Variants in SNX25 observed in about 807,000 individuals in gnomAD.
SNX25 encodes the protein sorting nexin 25.
Under a neutral mutation model 113.7 loss-of-function variants are expected in SNX25, and 62 were observed. That is an observed-to-expected ratio of 0.55 (90% confidence interval 0.44 to 0.67). The LOEUF is 0.67. SNX25 is among the 30% of genes least tolerant of loss of function. The pLI, the probability that SNX25 is intolerant of heterozygous loss-of-function variation, is 0.00. For missense variants in SNX25, 1,014 were observed against 1,161.0 expected (o/e 0.87, Z 1.84); for synonymous variants, 421 against 436.2 (o/e 0.97, Z 0.43).
intron 5 of SNX25, among the ~76,000 whole-genome samples, chr4:185,278,419 G>A (rs1353703568): frequency 6.6e-6 from 1 of 152,174 alleles, no homozygotes; most frequent in Non-Finnish European, 1.5e-5. Flanking sequence ...TAAACTTCGA[G>A]CCTCAGTTTT....
chr4:185,340,336 G>T (rs1463982166), intron 11 of SNX25, among the ~76,000 whole-genome samples: 3 of 152,118 alleles, frequency 2.0e-5, no homozygotes. Context: ...AGGTTGGATA[G>T]CAAAACAAAG....
At chr4:185,220,598 C>T (rs950684380) in intron 1 of SNX25, among the ~76,000 whole-genome samples, 1 of 151,886 alleles carries the variant, frequency 6.6e-6, no homozygotes, top group African/African-American at 2.4e-5. Context: ...TCTCCTGCCT[C>T]AGCCTCCCAA....
intron 2 of SNX25, among the ~76,000 whole-genome samples, chr4:185,253,435 A>G (rs1745948384): frequency 6.6e-6 from 1 of 151,376 alleles, no homozygotes; most frequent in Admixed American, 6.7e-5. Context: ...AATTAATGTT[A>G]CATGTACATT....
intron 1 of SNX25, among the ~76,000 whole-genome samples, chr4:185,240,697 G>A (rs1743744105): frequency 6.6e-6 from 1 of 151,124 alleles, no homozygotes; most frequent in African/African-American, 2.4e-5. Flanking sequence ...CGGGCGGGGG[G>A]CTGACCCCCA....
At chr4:185,294,031 C>A (rs866044611) in intron 6 of SNX25, among the ~76,000 whole-genome samples, 1 of 152,062 alleles carries the variant, frequency 6.6e-6, no homozygotes, top group African/African-American at 2.4e-5. Flanking sequence ...TAAGGAAGAT[C>A]GTGAAGGACA....
chr4:185,222,461 TCAGCACCCTATACCCCTCCCTCTC>T (rs1560902090), intron 1 of SNX25, among the ~76,000 whole-genome samples: 1 of 143,798 alleles, frequency 7.0e-6, no homozygotes, highest in African/African-American at 2.6e-5. Flanking sequence ...CGGTAGGTAT[TCAGCACCCTATACCCCTCCCTCTC>T]GGTAGGTTTA....
At chr4:185,247,943 G>C (rs1453008815) in intron 2 of SNX25, among the ~76,000 whole-genome samples, 1 of 152,090 alleles carries the variant, frequency 6.6e-6, no homozygotes, top group African/African-American at 2.4e-5. Flanking sequence ...GTTTAAGAAA[G>C]ATTTTAAATA....
intron 7 of SNX25, among the ~76,000 whole-genome samples, chr4:185,315,198 A>G (rs1308608536): frequency 6.7e-6 from 1 of 150,246 alleles, no homozygotes; most frequent in African/African-American, 2.4e-5. Flanking sequence ...ACTGCACTCC[A>G]GCCTCAGAGA....
chr4:185,231,784 A>G (rs796733180), intron 1 of SNX25, among the ~76,000 whole-genome samples: 7 of 152,226 alleles, frequency 4.6e-5, no homozygotes, highest in African/African-American at 1.7e-4. Flanking sequence ...ATAGAAACAG[A>G]AGAAGCAATT....
intron 5 of SNX25, among the ~76,000 whole-genome samples, chr4:185,274,222 G>A (rs1365513691): frequency 3.3e-5 from 5 of 152,050 alleles, no homozygotes; most frequent in Non-Finnish European, 7.4e-5. Context: ...CACCACGCCT[G>A]GCTAATTTTT....
chr4:185,260,915 C>A (rs1695345394), intron 3 of SNX25, among the ~76,000 whole-genome samples: 1 of 152,192 alleles, frequency 6.6e-6, no homozygotes, highest in African/African-American at 2.4e-5. Context: ...TCAAAAACTT[C>A]AGCCTCTCCT....
intron 1 of SNX25, among the ~76,000 whole-genome samples, chr4:185,211,941 T>C (rs72706068): frequency 0.1 from 15,741 of 152,208 alleles, 883 homozygotes; most frequent in Non-Finnish European, 0.13. Flanking sequence ...ACGTGGATTA[T>C]CATCTAGAAA....
chr4:185,302,162 C>T (rs529545459), intron 6 of SNX25, among the ~76,000 whole-genome samples: 3 of 151,350 alleles, frequency 2.0e-5, no homozygotes, highest in Admixed American at 6.6e-5. Context: ...TCTCGAACTC[C>T]GGACCTCAAG....
intron 5 of SNX25, among the ~76,000 whole-genome samples, chr4:185,281,471 C>T (rs1350894552): frequency 6.6e-6 from 1 of 152,074 alleles, no homozygotes; most frequent in Non-Finnish European, 1.5e-5. Context: ...AAATCATTTT[C>T]CCAGGATGAC....
At chr4:185,287,351 G>A (rs569083360) in intron 5 of SNX25, among the ~76,000 whole-genome samples, 1 of 152,322 alleles carries the variant, frequency 6.6e-6, no homozygotes, top group Non-Finnish European at 1.5e-5. Context: ...ACTGATGCGA[G>A]TCCTGGTGCA....
chr4:185,241,599 ATT>A (rs977906104), intron 1 of SNX25, among the ~76,000 whole-genome samples: 3 of 107,648 alleles, frequency 2.8e-5, no homozygotes, highest in African/African-American at 1.2e-4. Context: ...GGACAGGTGT[ATT>A]TTTTTTTTTA....
At chr4:185,357,871 A>G in intron 16 of SNX25, 134 bp downstream of exon 16, 1 of 735,636 alleles carries the variant, frequency 1.4e-6, no homozygotes, top group African/African-American at 1.8e-5. Context: ...TTCTGATATG[A>G]TTCTAAGATT....
intron 1 of SNX25, among the ~76,000 whole-genome samples, chr4:185,224,761 C>T (rs140230262): frequency 1.3e-3 from 189 of 151,092 alleles, no homozygotes; most frequent in Non-Finnish European, 2.2e-3. Flanking sequence ...CCTGTGTTAT[C>T]CCATCTTTGG....
At chr4:185,275,517 G>A (rs1749554544) in intron 5 of SNX25, among the ~76,000 whole-genome samples, 1 of 152,090 alleles carries the variant, frequency 6.6e-6, no homozygotes, top group Non-Finnish European at 1.5e-5. Flanking sequence ...TTTCTCTTTA[G>A]CTATTAAAGG....
Sources: gnomAD v4.1 joint callset for allele counts (sites outside exome capture counted in the v4.1 genomes callset) on GRCh38, gnomAD v4.1.1 for gene constraint, MANE v1.5 for transcripts, NCBI Gene and HGNC (gene_info 2026-07-23, HGNC 2026-07-21) for gene names.